Variants in COMMD10 observed in about 807,000 individuals in gnomAD.
COMMD10 encodes the protein COMM domain-containing protein 10.
A neutral mutation model predicts 28.9 loss-of-function variants in COMMD10; 33 were observed. That is an observed-to-expected ratio of 1.14 (90% CI 0.87 to 1.53). The LOEUF is 1.53. COMMD10 is among the 40% of genes most tolerant of loss of function. The pLI is 0.00. For missense variants in COMMD10, 310 were observed against 233.4 expected, an observed-to-expected ratio of 1.33 and a Z score of -2.14; for synonymous variants, 110 against 81.7, an observed-to-expected ratio of 1.35 and a Z score of -1.87.
intron 5 of COMMD10, among the ~76,000 whole-genome samples, chr5:116,251,539 G>A (rs1360010213): frequency 2.0e-5 from 3 of 149,062 alleles, no homozygotes; most frequent in South Asian, 2.1e-4. Context: ...GAGAATATGC[G>A]GTGTTTGGTT....
At chr5:116,196,865 C>G (rs556089455) in intron 5 of COMMD10, among the ~76,000 whole-genome samples, 1 of 152,110 alleles carries the variant, frequency 6.6e-6, no homozygotes, top group East Asian at 1.9e-4. Context: ...CAGTAAGACA[C>G]TGAACAAAGC....
chr5:116,157,926 T>C (rs1179772798), intron 5 of COMMD10, among the ~76,000 whole-genome samples: 1 of 144,230 alleles, frequency 6.9e-6, no homozygotes, highest in Non-Finnish European at 1.5e-5. Flanking sequence ...ATTGCTAAGA[T>C]GGCTTTCCTT....
chr5:116,241,583 C>CTTACTTATTTAT (rs1554053963), intron 5 of COMMD10, among the ~76,000 whole-genome samples: 6 of 140,506 alleles, frequency 4.3e-5, no homozygotes, highest in African/African-American at 1.6e-4. Flanking sequence ...ACTCTGCTTT[C>CTTACTTATTTAT]TTATTTATTT....
intron 4 of COMMD10, among the ~76,000 whole-genome samples, chr5:116,124,406 T>C (rs1172953042): frequency 6.6e-6 from 1 of 152,230 alleles, no homozygotes; most frequent in East Asian, 1.9e-4. Flanking sequence ...TCCTGAGTTC[T>C]AGTTTGATTG....
intron 5 of COMMD10, among the ~76,000 whole-genome samples, chr5:116,176,083 C>T (rs1381064693): frequency 6.6e-6 from 1 of 152,066 alleles, no homozygotes; most frequent in African/African-American, 2.4e-5. Flanking sequence ...TTGAATGTCA[C>T]ATTCACCTTG....
chr5:116,257,280 G>C (rs57659470), intron 5 of COMMD10, among the ~76,000 whole-genome samples: 9,428 of 151,532 alleles, frequency 0.062, 376 homozygotes, highest in East Asian at 0.14. Context: ...TCAGATTTCA[G>C]ATTTTCAGAT....
intron 5 of COMMD10, among the ~76,000 whole-genome samples, chr5:116,182,409 TG>T (rs1747999948): frequency 6.6e-6 from 1 of 151,214 alleles, no homozygotes; most frequent in African/African-American, 2.4e-5. Flanking sequence ...GGAAGAGGTG[TG>T]GGGGGTGGGT....
intron 5 of COMMD10, among the ~76,000 whole-genome samples, chr5:116,174,550 C>T (rs1191069602): frequency 6.6e-6 from 1 of 152,114 alleles, no homozygotes; most frequent in African/African-American, 2.4e-5. Flanking sequence ...ACCATTCAGT[C>T]ACGAGATGGT....
At chr5:116,275,705 C>G (rs1218731567) in intron 5 of COMMD10, among the ~76,000 whole-genome samples, 2 of 151,602 alleles carry the variant, frequency 1.3e-5, no homozygotes, top group Admixed American at 1.3e-4. Context: ...GCTTAATTTG[C>G]ACTCAAAGTA....
chr5:116,109,471 G>C (rs1239038439), intron 4 of COMMD10, among the ~76,000 whole-genome samples: 1 of 152,138 alleles, frequency 6.6e-6, no homozygotes, highest in Non-Finnish European at 1.5e-5. Flanking sequence ...GTGCGTGCCT[G>C]TAATCCCAGC....
chr5:116,269,050 A>G (rs1750684339), intron 5 of COMMD10, among the ~76,000 whole-genome samples: 1 of 151,792 alleles, frequency 6.6e-6, no homozygotes, highest in South Asian at 2.1e-4. Flanking sequence ...TACATATGTA[A>G]CAAACCTGCA....
chr5:116,257,778 T>G lies in COMMD10; in HGVS notation c.511-33739T>G, dbSNP rs1387403899. Among the ~76,000 whole-genome samples the G allele has an allele frequency of 1.3e-5, 2 of 151,796 alleles. 1 individual carries two copies. The highest frequency in any genetic ancestry group is 4.9e-5 in the African/African-American group (2 of 41,234). On this transcript the variant is annotated intron_variant, in intron 5 of 6. Coordinates refer to ENST00000274458, the MANE Select transcript of COMMD10 (RefSeq NM_016144.4). Reference sequence around the variant, plus strand: ...GTTCAGATGAATTTTAATTGAAACATAAGCAACAGAAAATTTTAAGATTCT... The same window carrying G: ...GTTCAGATGAATTTTAATTGAAACAGAAGCAACAGAAAATTTTAAGATTCT...
intron 5 of COMMD10, among the ~76,000 whole-genome samples, chr5:116,169,295 A>G (rs1397432669): frequency 2.0e-5 from 3 of 152,218 alleles, no homozygotes; most frequent in Non-Finnish European, 4.4e-5. Context: ...AGACTAAACC[A>G]GGAATAAGAT....
In COMMD10 at chr5:116,188,733, A is replaced by G. The variant is rs538076034; in HGVS notation, c.510+54555A>G. The stretch of plus-strand genomic sequence containing the variant: ...CAGCTTCCACCTCCCGGCTCAAGCA[A>G]TCCTCCCACCTCAGCCTCCCAAGTA... On this transcript the variant is annotated intron_variant, in intron 5 of 6. Transcript: ENST00000274458. 7.3e-5 allele frequency among the ~76,000 whole-genome samples: 11 copies of G among 151,368 alleles called. No homozygotes were observed. The South Asian group carries it at 1.9e-3, about 26-fold the overall frequency.
rs955555417 is a variant in COMMD10 at position 116,270,588 on chromosome 5, T to C, written c.511-20929T>C. Among the ~76,000 whole-genome samples, 8 of 151,994 alleles carry C rather than the reference T, an allele frequency of 5.3e-5. No individual in the cohort carries two copies. In the East Asian group the frequency reaches 1.3e-3, roughly 26 times the overall value. On this transcript the variant is annotated intron_variant, in intron 5 of 6. Coordinates refer to ENST00000274458, the MANE Select transcript of COMMD10 (RefSeq NM_016144.4). ...TTAGATTAGGTAGTGGCATGGGGAC[T>C]AGAAAGAACAGGGATGCTGCTGCTT...
At chr5:116,277,980 A>T (rs1019667289) in intron 5 of COMMD10, among the ~76,000 whole-genome samples, 1 of 151,850 alleles carries the variant, frequency 6.6e-6, no homozygotes, top group Non-Finnish European at 1.5e-5. Flanking sequence ...GAATGTTGAG[A>T]TCATAATCTT....
intron 5 of COMMD10, among the ~76,000 whole-genome samples, chr5:116,236,683 G>T (rs569582132): frequency 2.0e-5 from 3 of 152,064 alleles, no homozygotes; most frequent in South Asian, 4.2e-4. Context: ...AGGGGTTGGG[G>T]GTGGGAGATG....
chr5:116,132,190 T>C (rs1041935044), intron 4 of COMMD10, among the ~76,000 whole-genome samples: 1 of 152,084 alleles, frequency 6.6e-6, no homozygotes. Flanking sequence ...ATTTAGAAGA[T>C]ACTGTAGAAC....
intron 5 of COMMD10, among the ~76,000 whole-genome samples, chr5:116,189,368 C>G (rs906154323): frequency 6.6e-6 from 1 of 152,164 alleles, no homozygotes; most frequent in African/African-American, 2.4e-5. Flanking sequence ...AGTGGAGATA[C>G]TGGTACCAGC....
Sources: gnomAD v4.1 joint callset for allele counts (sites outside exome capture counted in the v4.1 genomes callset) on GRCh38, gnomAD v4.1.1 for gene constraint, MANE v1.5 for transcripts, NCBI Gene and HGNC (gene_info 2026-07-23, HGNC 2026-07-21) for gene names.